The following ADAM12 variants were observed in gnomAD, a reference collection of about 807,000 sequenced individuals.
ADAM12 encodes disintegrin and metalloproteinase domain-containing protein 12.
In ADAM12, 70 loss-of-function variants were observed where a neutral mutation model predicts 106.4. The observed-to-expected ratio is 0.66, with a 90% CI of 0.54 to 0.80. The LOEUF (loss-of-function observed/expected upper bound fraction) is 0.80, where lower values mean the gene tolerates loss of function less well. Among genes scored for constraint, ADAM12 ranks in the 30% least tolerant of loss-of-function variants. ADAM12 has a pLI of 0.00. For synonymous variants in ADAM12, 420 were observed against 433.5 expected (o/e 0.97, Z 0.39); for missense variants, 1,010 against 1,171.9 (o/e 0.86, Z 2.02).
chr10:126,265,170 T>C (rs1213165103), intron 3 of ADAM12, among the ~76,000 whole-genome samples: 1 of 152,090 alleles, frequency 6.6e-6, no homozygotes, highest in African/African-American at 2.4e-5. Flanking sequence ...TATCACCAAA[T>C]GTGAGATGCT....
chr10:126,198,261 A>G (rs1033962258), intron 3 of ADAM12, among the ~76,000 whole-genome samples: 1 of 152,182 alleles, frequency 6.6e-6, no homozygotes, highest in Non-Finnish European at 1.5e-5. Flanking sequence ...CATTTCAAAG[A>G]CTGAATCTCA....
chr10:126,041,245 A>G (rs1954160657), intron 18 of ADAM12: 2 of 784,430 alleles, frequency 2.5e-6, no homozygotes, highest in Non-Finnish European at 3.1e-6. Flanking sequence ...TACTTGTTTA[A>G]TGAGCCCCTG....
At chr10:126,139,028 C>A (rs1956460685) in intron 4 of ADAM12, among the ~76,000 whole-genome samples, 1 of 152,040 alleles carries the variant, frequency 6.6e-6, no homozygotes, top group Non-Finnish European at 1.5e-5. Flanking sequence ...TCTTTTGGTA[C>A]CATTCTTTTC....
chr10:126,174,158 C>A (rs1255062102), intron 3 of ADAM12, among the ~76,000 whole-genome samples: 3 of 151,162 alleles, frequency 2.0e-5, no homozygotes, highest in Non-Finnish European at 4.4e-5. Context: ...ATATTTTATT[C>A]CATTTGCTTT....
intron 3 of ADAM12, among the ~76,000 whole-genome samples, chr10:126,172,078 C>T (rs1957130004): frequency 6.6e-6 from 1 of 152,144 alleles, no homozygotes; most frequent in African/African-American, 2.4e-5. Flanking sequence ...CTAAAAGTTT[C>T]ATTTTAAAAA....
At chr10:126,108,529 C>A (rs904952295) in intron 8 of ADAM12, 64 bp downstream of exon 8, 1 of 1,433,668 alleles carries the variant, frequency 7.0e-7, no homozygotes, top group Admixed American at 1.7e-5. Context: ...CAGATGAGGT[C>A]CCCCAACCTC....
intron 4 of ADAM12, among the ~76,000 whole-genome samples, chr10:126,142,335 G>A (rs1377823474): frequency 6.6e-6 from 1 of 152,182 alleles, no homozygotes; most frequent in Non-Finnish European, 1.5e-5. Flanking sequence ...GATAAGCATT[G>A]TTTCTATAGA....
intron 2 of ADAM12, among the ~76,000 whole-genome samples, chr10:126,287,062 C>T (rs1312018602): frequency 6.6e-6 from 1 of 152,196 alleles, no homozygotes; most frequent in Non-Finnish European, 1.5e-5. Flanking sequence ...AGCTCAAGTT[C>T]TTTGTCCCGT....
At chr10:126,283,673 T>C (rs1299691921) in intron 2 of ADAM12, among the ~76,000 whole-genome samples, 1 of 152,226 alleles carries the variant, frequency 6.6e-6, no homozygotes. Flanking sequence ...CTTTCTCTTG[T>C]CATTGTGAAT....
chr10:126,220,104 C>A (rs1247523568), intron 3 of ADAM12, among the ~76,000 whole-genome samples: 1 of 152,182 alleles, frequency 6.6e-6, no homozygotes, highest in Middle Eastern at 3.2e-3. Context: ...AAGGATGACA[C>A]ATGCCCACAG....
intron 1 of ADAM12, among the ~76,000 whole-genome samples, chr10:126,333,568 T>G (rs557875939): frequency 6.6e-6 from 1 of 152,214 alleles, no homozygotes; most frequent in Non-Finnish European, 1.5e-5. Context: ...ACTCCACACC[T>G]TGACTTTGGG....
intron 1 of ADAM12, among the ~76,000 whole-genome samples, chr10:126,364,708 A>G (rs1855852853): frequency 6.6e-6 from 1 of 152,236 alleles, no homozygotes; most frequent in Non-Finnish European, 1.5e-5. Context: ...CAAATCTTCA[A>G]TAACAAAGTG....
intron 5 of ADAM12, among the ~76,000 whole-genome samples, chr10:126,122,878 T>A (rs1168053183): frequency 6.6e-6 from 1 of 152,378 alleles, no homozygotes; most frequent in African/African-American, 2.4e-5. Flanking sequence ...CTATTTTACA[T>A]CGGATCTAAA....
intron 2 of ADAM12, among the ~76,000 whole-genome samples, chr10:126,318,455 C>T (rs1053227711): frequency 6.6e-6 from 1 of 151,984 alleles, no homozygotes; most frequent in Admixed American, 6.6e-5. Flanking sequence ...CATTCAAACT[C>T]ATGCAGTGAC....
At position 126,317,685 on chromosome 10, in the gene ADAM12, C is replaced by T. The variant is rs544425091; in HGVS notation, c.186+12727G>A. On this transcript the variant is annotated intron_variant, in intron 2 of 22. Coordinates refer to ENST00000448723, the MANE Select transcript of ADAM12 (RefSeq NM_001288973.2). ...TAAGTAATTGATTTAACTTATTGAA[C>T]ATAGCTATTTTATTTATGTCTATAG... is the stretch of plus-strand genomic sequence containing the variant. Among the ~76,000 whole-genome samples the T allele has an allele frequency of 1.2e-3, 189 of 152,206 alleles. 1 individual carries two copies. Among genetic ancestry groups the T allele is most frequent in the South Asian group, 1.2e-3 (6 of 4,818 alleles).
At chr10:126,339,311 A>G (rs1854835176) in intron 1 of ADAM12, among the ~76,000 whole-genome samples, 1 of 152,222 alleles carries the variant, frequency 6.6e-6, no homozygotes, top group African/African-American at 2.4e-5. Context: ...CAACGTGTTT[A>G]AAAATCAAAG....
chr10:126,329,951 C>A (rs1854444627), intron 2 of ADAM12, among the ~76,000 whole-genome samples: 1 of 152,126 alleles, frequency 6.6e-6, no homozygotes, highest in South Asian at 2.1e-4. Context: ...TTATATTATT[C>A]TTTTACATCA....
chr10:126,127,385 A>C (rs1204398342), intron 5 of ADAM12, among the ~76,000 whole-genome samples: 1 of 152,238 alleles, frequency 6.6e-6, no homozygotes, highest in African/African-American at 2.4e-5. Context: ...AGTTTTTAAA[A>C]AGTGGATTGG....
chr10:126,243,386 C>T (rs1407117213), intron 3 of ADAM12, among the ~76,000 whole-genome samples: 1 of 152,116 alleles, frequency 6.6e-6, no homozygotes, highest in Non-Finnish European at 1.5e-5. Flanking sequence ...TGTTCTCAGG[C>T]CTTCTCATGC....
Sources: gnomAD v4.1 joint callset for allele counts (sites outside exome capture counted in the v4.1 genomes callset) on GRCh38, gnomAD v4.1.1 for gene constraint, MANE v1.5 for transcripts, NCBI Gene and HGNC (gene_info 2026-07-23, HGNC 2026-07-21) for gene names.